The following PRSS35 variants were observed in gnomAD, a reference collection of about 807,000 sequenced individuals.
The protein encoded by PRSS35 is inactive serine protease 35.
In PRSS35, 7 loss-of-function variants were observed where a neutral mutation model predicts 8.1. The ratio of observed to expected loss-of-function variants is 0.86; its 90% CI spans 0.49 to 1.62. PRSS35 has a LOEUF of 1.62. Ranked by LOEUF, PRSS35 falls within the 40% of genes most tolerant of loss-of-function variation. The probability of loss-of-function intolerance (pLI) is 0.00; values close to 1 mark genes in which losing one functional copy is unlikely to be tolerated. For missense variants in PRSS35, 566 were observed against 518.0 expected, an observed-to-expected ratio of 1.09 and a Z score of -0.90; for synonymous variants, 199 against 188.7, an observed-to-expected ratio of 1.05 and a Z score of -0.45.
chr6:83,525,518 A>G lies in PRSS35; in HGVS notation c.*835A>G, dbSNP rs1464745814. On this transcript the variant is annotated 3_prime_UTR_variant, in exon 2 of 2. Transcript: ENST00000369700. The stretch of plus-strand genomic sequence containing the variant: ...GTTGAAAGCCACATTATTTTATGCT[A>G]TACATTCTATGTATGAGGTGCTACA... The G allele has an allele frequency of 6.0e-6, 1 of 167,094 alleles. No individual in the cohort carries two copies. Among genetic ancestry groups the G allele is most frequent in the South Asian group, 2.1e-4 (1 of 4,838 alleles). The allele number at this position is 167,094 out of a possible 1,614,324, so 10.4% of individuals were successfully genotyped here. A position where few individuals can be genotyped will look rare whatever the true frequency, so the allele number is the denominator to read the frequency against.
At chr6:83,514,800 T>C (rs1472688208) in intron 1 of PRSS35, among the ~76,000 whole-genome samples, 2 of 152,140 alleles carry the variant, frequency 1.3e-5, no homozygotes, top group Non-Finnish European at 2.9e-5. Context: ...TGCCAGAAAA[T>C]TGTCTGACTG....
Position 83,521,671 on chromosome 6 carries a change from A to G in PRSS35, c.-20-1751A>G, listed in dbSNP as rs555665974. Among the ~76,000 whole-genome samples the G allele has an allele frequency of 4.6e-5, 7 of 151,830 alleles. No individual in the cohort carries two copies. In the South Asian group the frequency reaches 1.5e-3, roughly 32 times the overall value. ...GCCACCATGCCTGACTAATTTTTTA[A>G]AAGTTTTTTTTGTAGAGATGAGGTC... On this transcript the variant is annotated intron_variant, in intron 1 of 1. Coordinates refer to ENST00000369700, the MANE Select transcript of PRSS35 (RefSeq NM_153362.3).
At chr6:83,521,587 G>T (rs1237198837) in intron 1 of PRSS35, among the ~76,000 whole-genome samples, 1 of 148,236 alleles carries the variant, frequency 6.7e-6, no homozygotes, top group Non-Finnish European at 1.5e-5. Context: ...ATGGTTTACT[G>T]CAGCCTTGAC....
Position 83,515,908 on chromosome 6 carries a change from C to T in PRSS35, c.-21+3214C>T, listed in dbSNP as rs924264513. Among the ~76,000 whole-genome samples, 4 of 152,086 alleles carry T rather than the reference C, an allele frequency of 2.6e-5. No homozygotes were observed. In the East Asian group the frequency reaches 5.8e-4, roughly 22 times the overall value. On this transcript the variant is annotated intron_variant, in intron 1 of 1. Transcript: ENST00000369700. Reference sequence around the variant, plus strand: ...TCACCTCACTGCAACCTCTGCCTCCCGGTTCAGGGGATTCTCCTGCCTCAG... The same window carrying T: ...TCACCTCACTGCAACCTCTGCCTCCTGGTTCAGGGGATTCTCCTGCCTCAG...
At position 83,523,523 on chromosome 6, in the gene PRSS35, A is replaced by T. The variant is rs753686080; in HGVS notation, c.82A>T (p.Met28Leu). The T allele has an allele frequency of 1.9e-6, 3 of 1,614,048 alleles. No individual in the cohort carries two copies. In the African/African-American group the frequency reaches 4.0e-5, roughly 22 times the overall value. ...TGGATCTGAAATGGAATGGGATTTT[A>T]TGTGGCACTTGAGAAAGGTACCCCG... ...IDGSEMEWDF[M>L]WHLRKVPRIV... is the part of the protein sequence containing the mutation. Residue 28 changes from methionine to leucine, a missense_variant, in exon 2 of 2, where the codon ATG (methionine) becomes TTG (leucine). By Grantham distance (15) the Met-to-Leu change is conservative. Coordinates refer to ENST00000369700, the MANE Select transcript of PRSS35 (RefSeq NM_153362.3).
Position 83,524,105 on chromosome 6 carries a change from C to A in PRSS35, c.664C>A (p.His222Asn). 6.2e-7 allele frequency: 1 copy of A among 1,613,888 alleles called. No individual in the cohort carries two copies. The highest frequency in any genetic ancestry group is 8.5e-7 in the Non-Finnish European group (1 of 1,179,908). Residue 222 changes from histidine (H) to asparagine (N), a missense_variant, in exon 2 of 2, where the codon CAT becomes AAT. By Grantham distance (68) the His-to-Asn change is moderately conservative (BLOSUM62 1). Transcript: ENST00000369700. ...GGDQREGTREHLRERAKGGRR... is the reference protein window; with the variant it reads ...GGDQREGTRENLRERAKGGRR... ...TGACCAAAGAGAGGGTACCAGAGAG[C>A]ATCTGCGGGAGAGAGCGAAGGGTGG...
chr6:83,523,328 T>G, intron 1 of PRSS35, 94 bp from the exon 2 acceptor site: 1 of 909,792 alleles, frequency 1.1e-6, no homozygotes, highest in Non-Finnish European at 1.7e-6. Context: ...CTCTTTGTGG[T>G]GAAGGTACAT....
intron 1 of PRSS35, among the ~76,000 whole-genome samples, chr6:83,519,824 C>T (rs996429244): frequency 2.0e-5 from 3 of 152,002 alleles, no homozygotes; most frequent in African/African-American, 4.8e-5. Context: ...TCAAAGGGCA[C>T]CAGGCAGGGC....
intron 1 of PRSS35, among the ~76,000 whole-genome samples, chr6:83,521,025 A>G (rs1349160061): frequency 6.6e-6 from 1 of 152,216 alleles, no homozygotes; most frequent in African/African-American, 2.4e-5. Flanking sequence ...TTAAGTACAC[A>G]GTGGACAGCT....
rs1351872113 is a variant in PRSS35, at chr6:83,524,322, G to A, written c.881G>A (p.Gly294Glu). The change falls in exon 2 of 2, where the codon GGA becomes GAA. Residue 294 changes from glycine (G) to glutamate (E), a missense_variant. Physicochemically the swap from Gly to Glu is moderately conservative, Grantham distance 98. Transcript: ENST00000369700. ...RAHKKKYMEL[G>E]ISPTIKKMPG... Reference sequence around the variant, plus strand: ...CACAAAAAGAAATACATGGAACTTGGAATCAGCCCAACGATCAAGAAAATG... The same window carrying A: ...CACAAAAAGAAATACATGGAACTTGAAATCAGCCCAACGATCAAGAAAATG... The A allele has an allele frequency of 2.5e-6, 4 of 1,614,008 alleles. No individual in the cohort carries two copies. Among genetic ancestry groups the A allele is most frequent in the Non-Finnish European group, 3.4e-6 (4 of 1,180,026 alleles).
rs1158739214 is a variant in PRSS35, at chr6:83,523,411, C to T, written c.-20-11C>T. On this transcript the variant is annotated splice_polypyrimidine_tract_variant and intron_variant, in intron 1 of 1. Coordinates refer to ENST00000369700, the MANE Select transcript of PRSS35 (RefSeq NM_153362.3). ...AAACATTATAAACCTCTCTCTTTTT[C>T]TATTTTTAAGGACAAAATTAGAAGA... 6 of 1,570,034 alleles carry T rather than the reference C, an allele frequency of 3.8e-6. No homozygotes were observed. In the Admixed American group the frequency reaches 5.7e-5, roughly 15 times the overall value.
Position 83,517,034 on chromosome 6 carries a change from C to T in PRSS35, c.-21+4340C>T, listed in dbSNP as rs116439478. Among the ~76,000 whole-genome samples the T allele has an allele frequency of 6.1e-3, 929 of 152,308 alleles. 8 individuals carry two copies. The highest frequency in any genetic ancestry group is 0.021 in the African/African-American group (891 of 41,560). The stretch of plus-strand genomic sequence containing the variant: ...GTATGAAATACCTTGTAAATATCTA[C>T]CTGAGTGTTGGCTCCCCCTGTTTGA... On this transcript the variant is annotated intron_variant, in intron 1 of 1. Transcript: ENST00000369700.
intron 1 of PRSS35, among the ~76,000 whole-genome samples, chr6:83,513,963 G>T (rs1040213476): frequency 2.6e-5 from 4 of 152,192 alleles, no homozygotes; most frequent in Non-Finnish European, 5.9e-5. Flanking sequence ...AATTTGGGAG[G>T]ATAGAGCTAC....
At position 83,524,531 on chromosome 6, in the gene PRSS35, C is replaced by T. The variant is rs758536096; in HGVS notation, c.1090C>T (p.Arg364Cys). 4 of 1,614,102 alleles carry T rather than the reference C, an allele frequency of 2.5e-6. No homozygotes were observed. The highest frequency in any genetic ancestry group is 4.5e-5 in the East Asian group (2 of 44,876). Residue 364 changes from arginine to cysteine, a missense_variant, in exon 2 of 2, where the codon CGC (arginine) becomes TGC (cysteine). By Grantham distance (180) the Arg-to-Cys change is radical (BLOSUM62 -3). Transcript: ENST00000369700. ...LKDPDKKNWKRKIIAVYSGHQ... is the reference protein window; with the variant it reads ...LKDPDKKNWKCKIIAVYSGHQ... ...AGATCCAGACAAAAAGAATTGGAAG[C>T]GCAAAATCATTGCGGTCTACTCAGG...
intron 1 of PRSS35, among the ~76,000 whole-genome samples, chr6:83,513,397 A>G (rs1771659969): frequency 1.3e-5 from 2 of 152,176 alleles, no homozygotes; most frequent in Admixed American, 1.3e-4. Flanking sequence ...ACATTTTTAC[A>G]CTGTCCTTGA....
chr6:83,523,480 T>G lies in PRSS35; in HGVS notation c.39T>G (p.Pro13=). 1 of 1,614,178 alleles carries G rather than the reference T, an allele frequency of 6.2e-7. No individual in the cohort carries two copies. Among genetic ancestry groups the G allele is most frequent in the Non-Finnish European group, 8.5e-7 (1 of 1,180,002 alleles). ...TGCTTTGGTTGATATTTTTCACCCC[T>G]GGGTGGACCCTCATTGATGGATCTG... ...NMLLWLIFFT[P]GWTLIDGSEM... is the part of the protein sequence containing the mutation. The change falls in exon 2 of 2, where the codon CCT becomes CCG. Residue 13 remains proline (P), a synonymous_variant. Transcript: ENST00000369700.
At position 83,525,295 on chromosome 6, in the gene PRSS35, A is replaced by G. The variant is rs1296540625; in HGVS notation, c.*612A>G. 6.0e-6 allele frequency: 1 copy of G among 166,972 alleles called. No individual in the cohort carries two copies. The highest frequency in any genetic ancestry group is 1.5e-5 in the Non-Finnish European group (1 of 68,130). 10.3% of individuals were successfully genotyped at this position (166,972 alleles called of 1,614,324 possible). The stretch of plus-strand genomic sequence containing the variant: ...TATAAACAAAACTAATAACTGTTTT[A>G]CTGCTTTAAGAAATAACAATTACAA... On this transcript the variant is annotated 3_prime_UTR_variant, in exon 2 of 2. Coordinates refer to ENST00000369700, the MANE Select transcript of PRSS35 (RefSeq NM_153362.3).
chr6:83,525,314 A>G lies in PRSS35; in HGVS notation c.*631A>G, dbSNP rs1771918441. ...TGTTTTACTGCTTTAAGAAATAACA[A>G]TTACAATGTGTATTATTTAAAAATG... On this transcript the variant is annotated 3_prime_UTR_variant, in exon 2 of 2. Transcript: ENST00000369700. 6.0e-6 allele frequency: 1 copy of G among 167,102 alleles called. No individual in the cohort carries two copies. The highest frequency in any genetic ancestry group is 2.1e-4 in the South Asian group (1 of 4,826). 10.4% of individuals were successfully genotyped at this position (167,102 alleles called of 1,614,324 possible).
chr6:83,518,492 GTT>G (rs140500706), intron 1 of PRSS35, among the ~76,000 whole-genome samples: 4,543 of 152,104 alleles, frequency 0.03, 215 homozygotes, highest in African/African-American at 0.1. Flanking sequence ...TCACACTTAA[GTT>G]TAATAGCAAT....
Sources: gnomAD v4.1 joint callset for allele counts (sites outside exome capture counted in the v4.1 genomes callset) on GRCh38, gnomAD v4.1.1 for gene constraint, MANE v1.5 for transcripts, NCBI Gene and HGNC (gene_info 2026-07-23, HGNC 2026-07-21) for gene names.